The following KCNIP4 variants were observed in gnomAD, a reference collection of about 807,000 sequenced individuals.
KCNIP4 encodes the protein Kv channel-interacting protein 4.
KCNIP4 carries 12 observed loss-of-function variants against 34.0 expected under a neutral mutation model. The observed-to-expected ratio is 0.35, with a 90% CI of 0.23 to 0.57. KCNIP4 has a LOEUF of 0.57. KCNIP4 is among the 20% of genes least tolerant of loss of function. KCNIP4 has a pLI of 0.83. For synonymous variants in KCNIP4, 124 were observed against 102.2 expected (o/e 1.21, Z -1.29); for missense variants, 238 against 311.7 (o/e 0.76, Z 1.78).
At chr4:21,790,730 C>T (rs931723702) in intron 1 of KCNIP4, among the ~76,000 whole-genome samples, 2 of 152,014 alleles carry the variant, frequency 1.3e-5, no homozygotes, top group Admixed American at 6.5e-5. Context: ...TAATCATTGC[C>T]TTATAATCTT....
At chr4:21,486,718 G>A (rs1171071588) in intron 1 of KCNIP4, among the ~76,000 whole-genome samples, 1 of 152,092 alleles carries the variant, frequency 6.6e-6, no homozygotes, top group Admixed American at 6.6e-5. Context: ...TGCTAAGATA[G>A]TACAGATTTC....
At position 21,697,231 on chromosome 4, in the gene KCNIP4, T is replaced by C. The variant is rs1712416765; in HGVS notation, c.61+251340A>G. On this transcript the variant is annotated intron_variant, in intron 1 of 8. Coordinates refer to ENST00000382152, the MANE Select transcript of KCNIP4 (RefSeq NM_025221.6). ...TCTCAGCAAATACAGTTGCATTTTA[T>C]TGACAACATTAAAAATAATCACAAC... 7.8e-6 allele frequency: 10 copies of C among 1,275,610 alleles called. No homozygotes were observed. The South Asian group carries it at 1.1e-4, about 13-fold the overall frequency. The allele number at this position is 1,275,610 out of a possible 1,614,324, so 79.0% of individuals were successfully genotyped here.
chr4:20,967,080 A>C (rs957280879), intron 1 of KCNIP4, among the ~76,000 whole-genome samples: 4 of 152,170 alleles, frequency 2.6e-5, no homozygotes, highest in African/African-American at 7.2e-5. Context: ...ACTAAGTTCT[A>C]GTATTAAGTC....
chr4:20,959,684 T>G (rs1733660800), intron 1 of KCNIP4, among the ~76,000 whole-genome samples: 1 of 152,178 alleles, frequency 6.6e-6, no homozygotes, highest in Admixed American at 6.5e-5. Context: ...CATCGCATTT[T>G]ATGAGGTTTC....
chr4:21,823,889 G>C (rs1246878747), intron 1 of KCNIP4, among the ~76,000 whole-genome samples: 1 of 152,066 alleles, frequency 6.6e-6, no homozygotes, highest in African/African-American at 2.4e-5. Flanking sequence ...ATGCAGCTTT[G>C]CAGCTCCTCC....
intron 1 of KCNIP4, among the ~76,000 whole-genome samples, chr4:21,237,884 C>T (rs1759487924): frequency 1.3e-5 from 2 of 152,270 alleles, no homozygotes; most frequent in African/African-American, 4.8e-5. Context: ...TTTTATGAGG[C>T]CAGTATCATC....
chr4:21,798,586 G>GAAAGAAAGAAAGAAAGAA (rs34338129), intron 1 of KCNIP4, among the ~76,000 whole-genome samples: 23 of 59,016 alleles, frequency 3.9e-4, no homozygotes, highest in Admixed American at 8.0e-4. Flanking sequence ...AAGAAAGAAA[G>GAAAGAAAGAAAGAAAGAA]AGAAAAAATG....
intron 1 of KCNIP4, among the ~76,000 whole-genome samples, chr4:21,921,470 A>T (rs1014996505): frequency 3.3e-5 from 5 of 152,188 alleles, no homozygotes; most frequent in Non-Finnish European, 7.3e-5. Context: ...TATCTAATAT[A>T]TCCAATTCCC....
intron 1 of KCNIP4, among the ~76,000 whole-genome samples, chr4:21,051,467 C>A (rs1314448000): frequency 6.6e-6 from 1 of 152,062 alleles, no homozygotes; most frequent in Non-Finnish European, 1.5e-5. Flanking sequence ...TTTTACTTGC[C>A]ACTAGCTGGT....
At chr4:21,088,326 G>C (rs1033190069) in intron 1 of KCNIP4, among the ~76,000 whole-genome samples, 1 of 151,956 alleles carries the variant, frequency 6.6e-6, no homozygotes, top group African/African-American at 2.4e-5. Flanking sequence ...TCTGGCTCCT[G>C]GCTCTGTGCA....
chr4:21,334,897 A>T (rs1335321962), intron 1 of KCNIP4, among the ~76,000 whole-genome samples: 1 of 152,118 alleles, frequency 6.6e-6, no homozygotes, highest in Non-Finnish European at 1.5e-5. Context: ...GTTTTGATCA[A>T]TCACCAGTTG....
At chr4:21,379,945 G>C (rs538306695) in intron 1 of KCNIP4, among the ~76,000 whole-genome samples, 1 of 143,368 alleles carries the variant, frequency 7.0e-6, no homozygotes, top group Admixed American at 7.4e-5. Context: ...TTGCACCCTA[G>C]TATCTAAGAA....
intron 1 of KCNIP4, among the ~76,000 whole-genome samples, chr4:21,082,715 T>C (rs1746104204): frequency 6.6e-6 from 1 of 151,764 alleles, no homozygotes. Context: ...CTAATTCAAC[T>C]AGAACTGAAG....
intron 1 of KCNIP4, among the ~76,000 whole-genome samples, chr4:21,708,153 C>A (rs7669340): frequency 0.45 from 67,798 of 151,938 alleles, 18,537 homozygotes; most frequent in Non-Finnish European, 0.61. Context: ...CAGTCTCCTG[C>A]CTGACAAAAC....
intron 1 of KCNIP4, among the ~76,000 whole-genome samples, chr4:21,274,680 T>C (rs112844592): frequency 6.6e-6 from 1 of 152,176 alleles, no homozygotes; most frequent in Non-Finnish European, 1.5e-5. Flanking sequence ...ACATCTATTC[T>C]CTTAAAGTAC....
chr4:20,771,857 A>C (rs1755916567), intron 3 of KCNIP4, among the ~76,000 whole-genome samples: 1 of 152,026 alleles, frequency 6.6e-6, no homozygotes, highest in Non-Finnish European at 1.5e-5. Flanking sequence ...TTTTTAGTAG[A>C]GACGGGGTTT....
At chr4:20,968,056 T>C (rs1025974103) in intron 1 of KCNIP4, among the ~76,000 whole-genome samples, 4 of 151,990 alleles carry the variant, frequency 2.6e-5, no homozygotes, top group African/African-American at 4.8e-5. Flanking sequence ...ATATCCAGAA[T>C]CTAGAAAGAA....
chr4:21,318,888 T>C (rs531919376), intron 1 of KCNIP4, among the ~76,000 whole-genome samples: 1 of 152,144 alleles, frequency 6.6e-6, no homozygotes, highest in Non-Finnish European at 1.5e-5. Flanking sequence ...TGAAAGGGAA[T>C]TATATTTAGG....
Position 21,618,640 on chromosome 4 carries a change from T to C in KCNIP4, c.61+329931A>G, listed in dbSNP as rs1480433111. Among the ~76,000 whole-genome samples the C allele has an allele frequency of 8.0e-4, 113 of 141,274 alleles. 1 individual carries two copies. In the East Asian group the frequency reaches 0.01, roughly 13 times the overall value. The allele number at this position is 141,274 out of a possible 152,430, so 92.7% of individuals were successfully genotyped here. On this transcript the variant is annotated intron_variant, in intron 1 of 8. Coordinates refer to ENST00000382152, the MANE Select transcript of KCNIP4 (RefSeq NM_025221.6). ...TTTCTTTTTCTTTTTCTTTTTTTTT[T>C]TTTTTTTTTTGAGAGAGAGTCTCGC...
Sources: allele counts gnomAD v4.1 joint callset (sites outside exome capture counted in the v4.1 genomes callset), GRCh38; gene constraint gnomAD v4.1.1; transcripts MANE v1.5; gene names NCBI Gene and HGNC (gene_info 2026-07-23, HGNC 2026-07-21).